The following EMID1 variants were observed in gnomAD, a reference collection of about 807,000 sequenced individuals.
EMID1 encodes EMI domain-containing protein 1.
Under a neutral mutation model 60.6 loss-of-function variants are expected in EMID1, and 40 were observed. The ratio of observed to expected loss-of-function variants is 0.66; its 90% CI spans 0.51 to 0.86. The LOEUF is 0.86. Ranked by LOEUF, EMID1 falls within the 40% of genes least tolerant of loss-of-function variation. The pLI, the probability that EMID1 is intolerant of heterozygous loss-of-function variation, is 0.00. For missense variants in EMID1, 585 were observed against 597.1 expected (o/e 0.98, Z 0.21); for synonymous variants, 242 against 231.0 (o/e 1.05, Z -0.43).
At chr22:29,212,526 C>T (rs141082286) in intron 1 of EMID1, among the ~76,000 whole-genome samples, 15 of 151,124 alleles carry the variant, frequency 9.9e-5, no homozygotes, top group African/African-American at 3.2e-4. Context: ...GCCTGGGGCA[C>T]GTCCTGGACC....
At chr22:29,258,735 C>A in intron 14 of EMID1, 82 bp from the exon 15 acceptor site, 1 of 1,542,534 alleles carries the variant, frequency 6.5e-7, no homozygotes, top group South Asian at 1.2e-5. Flanking sequence ...CCCGGTTCTG[C>A]CACCCCCTAG....
At chr22:29,242,048 C>G (rs1451519287) in intron 12 of EMID1, among the ~76,000 whole-genome samples, 1 of 152,084 alleles carries the variant, frequency 6.6e-6, no homozygotes, top group African/African-American at 2.4e-5. Flanking sequence ...GTAGCTGGGA[C>G]TACAGGTGCA....
chr22:29,253,939 A>C (rs1174892466), intron 13 of EMID1: 1 of 985,276 alleles, frequency 1.0e-6, no homozygotes, highest in Non-Finnish European at 1.2e-6. Flanking sequence ...GCGCAGCAGG[A>C]TTTGCGGCCT....
chr22:29,255,476 TCATC>T, intron 14 of EMID1: 1 of 784,892 alleles, frequency 1.3e-6, no homozygotes, highest in Non-Finnish European at 1.9e-6. Flanking sequence ...CACTCATTCT[TCATC>T]CAGCCAGCCA....
In EMID1 at chr22:29,248,790, G is replaced by A. The variant is rs188549704; in HGVS notation, c.1119+5301G>A. ...GGGGAAGTCGAGGCTGCAGTAATAC[G>A]AGATCACGCCACTGCACTCCAACCT... On this transcript the variant is annotated intron_variant, in intron 13 of 14. Coordinates refer to ENST00000334018, the MANE Select transcript of EMID1 (RefSeq NM_133455.4). Among the ~76,000 whole-genome samples the A allele has an allele frequency of 3.3e-3, 481 of 147,782 alleles. 5 individuals carry two copies. Among genetic ancestry groups the A allele is most frequent in the African/African-American group, 0.011 (449 of 39,864 alleles).
At chr22:29,239,304 T>G (rs902232151) in intron 12 of EMID1, among the ~76,000 whole-genome samples, 10 of 145,020 alleles carry the variant, frequency 6.9e-5, no homozygotes, top group Non-Finnish European at 1.3e-4. Context: ...AAAAAATTTT[T>G]TTTTAATGTA....
chr22:29,217,758 G>A (rs2040140367), intron 3 of EMID1, among the ~76,000 whole-genome samples: 1 of 152,156 alleles, frequency 6.6e-6, no homozygotes, highest in Admixed American at 6.5e-5. Flanking sequence ...ACTCTGCTGG[G>A]GTCCTAGGAA....
chr22:29,215,631 G>A lies in EMID1; in HGVS notation c.319+1G>A. ...CACTCAGGAGTGAGCTGCGAGGAAG[G>A]TAGGACTGCCCGGCCGGCTCCCGGA... On this transcript the variant is annotated splice_donor_variant, in intron 3 of 14. Transcript: ENST00000334018. LOFTEE classifies it high-confidence loss of function. 6.2e-7 allele frequency: 1 copy of A among 1,613,666 alleles called. No individual in the cohort carries two copies. The highest frequency in any genetic ancestry group is 8.5e-7 in the Non-Finnish European group (1 of 1,179,658).
At chr22:29,254,580 AT>A in intron 14 of EMID1, 1 of 336,830 alleles carries the variant, frequency 3.0e-6, no homozygotes, top group Non-Finnish European at 5.6e-6. Flanking sequence ...GAGATGAAAG[AT>A]TTTAAGTTTG....
At chr22:29,231,739 G>C (rs1398596071) in intron 7 of EMID1, 57 bp downstream of exon 7, 13 of 1,405,046 alleles carry the variant, frequency 9.3e-6, no homozygotes, top group African/African-American at 2.9e-5. Flanking sequence ...CACCAGGTGG[G>C]CCCTTCCCTG....
At chr22:29,209,070 CCTTT>C (rs1402440076) in intron 1 of EMID1, among the ~76,000 whole-genome samples, 11 of 152,358 alleles carry the variant, frequency 7.2e-5, no homozygotes, top group East Asian at 3.9e-4. Flanking sequence ...CCCGCCCGGT[CCTTT>C]CTTTCTTCTC....
chr22:29,234,011 G>A, intron 10 of EMID1, 126 bp from the exon 11 acceptor site: 1 of 1,028,642 alleles, frequency 9.7e-7, no homozygotes, highest in East Asian at 2.6e-5. Context: ...CGGTGTGCTG[G>A]GTGTATGGTG....
At chr22:29,256,711 T>C (rs1041543673) in intron 14 of EMID1, among the ~76,000 whole-genome samples, 1 of 151,188 alleles carries the variant, frequency 6.6e-6, no homozygotes, top group African/African-American at 2.4e-5. Context: ...TGAGGAAGAG[T>C]CACTTGTCCC....
At chr22:29,248,229 G>A (rs2041398210) in intron 13 of EMID1, among the ~76,000 whole-genome samples, 1 of 149,220 alleles carries the variant, frequency 6.7e-6, no homozygotes, top group South Asian at 2.1e-4. Context: ...AAAGTGCTAG[G>A]ATTCCAGGTG....
chr22:29,248,644 GACTA>G (rs2041415662), intron 13 of EMID1, among the ~76,000 whole-genome samples: 1 of 152,124 alleles, frequency 6.6e-6, no homozygotes, highest in South Asian at 2.1e-4. Flanking sequence ...AGGAGTTCCA[GACTA>G]ACCTAGGCAG....
chr22:29,217,007 G>T (rs530496484), intron 3 of EMID1, among the ~76,000 whole-genome samples: 1 of 152,216 alleles, frequency 6.6e-6, no homozygotes, highest in Non-Finnish European at 1.5e-5. Flanking sequence ...GGGAAGGCAG[G>T]TGGGGCCGAG....
chr22:29,259,265 G>T lies in EMID1; in HGVS notation c.*321G>T. On this transcript the variant is annotated 3_prime_UTR_variant, in exon 15 of 15. Transcript: ENST00000334018. ...GGCCCAAAGGCACTGAGGGAGTCAG[G>T]AGCTGGGGCTCGGCACATGCAGAGA... is the stretch of plus-strand genomic sequence containing the variant. 1 of 355,048 alleles carries T rather than the reference G, an allele frequency of 2.8e-6. No individual in the cohort carries two copies. Among genetic ancestry groups the T allele is most frequent in the South Asian group, 3.2e-5 (1 of 31,358 alleles). 22.0% of individuals were successfully genotyped at this position (355,048 alleles called of 1,614,324 possible). A position where few individuals can be genotyped will look rare whatever the true frequency, so the allele number is the denominator to read the frequency against.
chr22:29,211,633 C>T (rs1304037365), intron 1 of EMID1, among the ~76,000 whole-genome samples: 1 of 152,086 alleles, frequency 6.6e-6, no homozygotes, highest in Non-Finnish European at 1.5e-5. Flanking sequence ...CTCCTGTGTG[C>T]CTGTGTGTGC....
At chr22:29,211,141 G>A (rs938770563) in intron 1 of EMID1, among the ~76,000 whole-genome samples, 1 of 152,080 alleles carries the variant, frequency 6.6e-6, no homozygotes, top group African/African-American at 2.4e-5. Context: ...GAACGCATTT[G>A]CAGGGAGAAG....
Sources: allele counts gnomAD v4.1 joint callset (sites outside exome capture counted in the v4.1 genomes callset), GRCh38; gene constraint gnomAD v4.1.1; transcripts MANE v1.5; gene names NCBI Gene and HGNC (gene_info 2026-07-23, HGNC 2026-07-21).